CPED1: variants seen among roughly 807,000 people sequenced by gnomAD.
The protein encoded by CPED1 is cadherin like and PC-esterase domain containing 1.
CPED1 carries 114 observed loss-of-function variants against 128.2 expected under a neutral mutation model. The observed-to-expected ratio is 0.89, with a 90% CI of 0.76 to 1.04. CPED1 has a LOEUF of 1.04. CPED1 is among the 50% of genes least tolerant of loss of function. The probability of loss-of-function intolerance (pLI) is 0.00; values close to 1 mark genes in which losing one functional copy is unlikely to be tolerated. For missense variants in CPED1, 1,211 were observed against 1,207.1 expected, an observed-to-expected ratio of 1.00 and a Z score of -0.05; for synonymous variants, 462 against 426.7, an observed-to-expected ratio of 1.08 and a Z score of -1.02.
intron 16 of CPED1, among the ~76,000 whole-genome samples, chr7:121,182,013 A>G (rs1479376133): frequency 4.6e-5 from 7 of 152,026 alleles, no homozygotes; most frequent in Non-Finnish European, 1.0e-4. Flanking sequence ...AACTAGGGGG[A>G]CATTTGTGTC....
intron 19 of CPED1, 124 bp downstream of exon 19, chr7:121,266,571 C>G (rs1431512530): frequency 1.0e-5 from 12 of 1,156,048 alleles, no homozygotes; most frequent in Non-Finnish European, 1.5e-5. Flanking sequence ...CCAAGTAAGG[C>G]AGCAGAAAAC....
intron 14 of CPED1, among the ~76,000 whole-genome samples, chr7:121,137,168 T>C (rs1003406373): frequency 1.3e-5 from 2 of 151,542 alleles, no homozygotes; most frequent in African/African-American, 4.8e-5. Context: ...TTTAATTTAT[T>C]ATATTATTTA....
At chr7:121,109,978 G>A (rs1321133596) in intron 7 of CPED1, among the ~76,000 whole-genome samples, 1 of 152,134 alleles carries the variant, frequency 6.6e-6, no homozygotes, top group African/African-American at 2.4e-5. Context: ...CTTTAAAGGA[G>A]AGAGAAATAA....
At chr7:121,063,066 T>C (rs1265018090) in intron 4 of CPED1, among the ~76,000 whole-genome samples, 1 of 152,196 alleles carries the variant, frequency 6.6e-6, no homozygotes, top group Non-Finnish European at 1.5e-5. Context: ...TTTTACAATG[T>C]AGTGTTTAGG....
intron 16 of CPED1, among the ~76,000 whole-genome samples, chr7:121,189,818 A>G (rs917117286): frequency 3.7e-5 from 4 of 109,062 alleles, no homozygotes; most frequent in Non-Finnish European, 5.5e-5. Flanking sequence ...TTTATTGCCT[A>G]TTTTATCATC....
At chr7:121,179,578 A>T (rs1189180130) in intron 16 of CPED1, among the ~76,000 whole-genome samples, 1 of 152,094 alleles carries the variant, frequency 6.6e-6, no homozygotes, top group Non-Finnish European at 1.5e-5. Context: ...GCCTTTAATT[A>T]TGAAAATCAC....
intron 21 of CPED1, among the ~76,000 whole-genome samples, chr7:121,268,671 CACA>C (rs1792179129): frequency 6.6e-6 from 1 of 152,150 alleles, no homozygotes; most frequent in Admixed American, 6.5e-5. Context: ...CATTCACACT[CACA>C]ACACCACTGA....
intron 3 of CPED1, among the ~76,000 whole-genome samples, chr7:121,041,916 T>C (rs985838177): frequency 2.0e-5 from 3 of 152,138 alleles, no homozygotes; most frequent in Admixed American, 6.5e-5. Context: ...GATAACACTA[T>C]GAAGGCATGA....
chr7:121,259,859 T>G (rs1791970649), intron 18 of CPED1, among the ~76,000 whole-genome samples: 1 of 152,066 alleles, frequency 6.6e-6, no homozygotes, highest in Non-Finnish European at 1.5e-5. Flanking sequence ...TAAACTCAGC[T>G]GTTAAAACAG....
chr7:121,235,418 C>T (rs1341266728), intron 16 of CPED1, among the ~76,000 whole-genome samples: 1 of 152,068 alleles, frequency 6.6e-6, no homozygotes, highest in Non-Finnish European at 1.5e-5. Context: ...TCACCCCCAC[C>T]ATTCCTCTTG....
chr7:121,055,081 C>G (rs1793459773), intron 4 of CPED1, among the ~76,000 whole-genome samples: 1 of 152,114 alleles, frequency 6.6e-6, no homozygotes, highest in African/African-American at 2.4e-5. Flanking sequence ...GGATGTACCA[C>G]AGGCTGTTTA....
intron 5 of CPED1, among the ~76,000 whole-genome samples, chr7:121,078,323 G>A (rs1410918427): frequency 6.6e-6 from 1 of 152,062 alleles, no homozygotes; most frequent in African/African-American, 2.4e-5. Flanking sequence ...GATTACAGGT[G>A]TGAGCCACTG....
chr7:121,206,063 C>A (rs1797510260), intron 16 of CPED1, among the ~76,000 whole-genome samples: 2 of 152,116 alleles, frequency 1.3e-5, no homozygotes, highest in South Asian at 2.1e-4. Context: ...ACAGTAACCT[C>A]CCTTCTTCTG....
At chr7:121,271,681 A>G (rs1023916774) in intron 22 of CPED1, among the ~76,000 whole-genome samples, 29 of 152,128 alleles carry the variant, frequency 1.9e-4, no homozygotes, top group Non-Finnish European at 4.4e-5. Flanking sequence ...CAATGGAGGC[A>G]GGAATATGGG....
At chr7:121,016,962 G>A (rs549816709) in intron 3 of CPED1, among the ~76,000 whole-genome samples, 9 of 152,228 alleles carry the variant, frequency 5.9e-5, no homozygotes, top group African/African-American at 2.2e-4. Flanking sequence ...CCTTCAGTTA[G>A]GTGCCCCCTT....
At chr7:121,203,000 T>C (rs1797434329) in intron 16 of CPED1, among the ~76,000 whole-genome samples, 2 of 152,080 alleles carry the variant, frequency 1.3e-5, no homozygotes, top group African/African-American at 4.8e-5. Flanking sequence ...TCTTACTAAT[T>C]TCTGAAGCCA....
intron 16 of CPED1, among the ~76,000 whole-genome samples, chr7:121,203,755 G>A (rs1797456167): frequency 6.6e-6 from 1 of 152,158 alleles, no homozygotes; most frequent in Admixed American, 6.6e-5. Context: ...AAGTGTCATG[G>A]AGGGAAAAGG....
At chr7:121,031,598 A>G (rs1792735163) in intron 3 of CPED1, among the ~76,000 whole-genome samples, 1 of 152,140 alleles carries the variant, frequency 6.6e-6, no homozygotes, top group Non-Finnish European at 1.5e-5. Context: ...AGTCTCTGCC[A>G]ATTTCTCTAC....
intron 16 of CPED1, among the ~76,000 whole-genome samples, chr7:121,217,475 TTTG>T (rs1797783700): frequency 6.6e-6 from 1 of 152,078 alleles, no homozygotes; most frequent in Non-Finnish European, 1.5e-5. Flanking sequence ...ATGTCATTGT[TTTG>T]TATTTCCTAG....
Sources: allele counts gnomAD v4.1 joint callset (sites outside exome capture counted in the v4.1 genomes callset), GRCh38; gene constraint gnomAD v4.1.1; transcripts MANE v1.5; gene names NCBI Gene and HGNC (gene_info 2026-07-23, HGNC 2026-07-21).